TBL1X: variants seen among roughly 807,000 people sequenced by gnomAD.
The protein encoded by TBL1X is transducin beta like 1 X-linked, also known as F-box-like/WD repeat-containing protein TBL1X.
TBL1X carries 10 observed loss-of-function variants against 50.7 expected under a neutral mutation model. That is an observed-to-expected ratio of 0.20 (90% CI 0.12 to 0.33). The LOEUF (loss-of-function observed/expected upper bound fraction) is 0.33, where lower values mean the gene tolerates loss of function less well. TBL1X is among the 10% of genes least tolerant of loss of function. The pLI, the probability that TBL1X is intolerant of heterozygous loss-of-function variation, is 1.00. For synonymous variants in TBL1X, 190 were observed against 214.7 expected (o/e 0.88, Z 1.01); for missense variants, 340 against 504.4 (o/e 0.67, Z 3.12).
intron 2 of TBL1X, among the ~76,000 whole-genome samples, chrX:9,590,394 C>T (rs1256390620): frequency 6.6e-5 from 7 of 105,598 alleles, no homozygotes; most frequent in Non-Finnish European, 1.4e-4. Flanking sequence ...GATGAAAACA[C>T]GAATAAGTAA....
intron 1 of TBL1X, among the ~76,000 whole-genome samples, chrX:9,467,790 C>G (rs923016482): frequency 3.6e-5 from 4 of 111,961 alleles, no homozygotes; most frequent in African/African-American, 1.3e-4. Flanking sequence ...ACATGAAACC[C>G]ACCAGAACCA....
At chrX:9,660,811 T>C (rs1243644959) in intron 5 of TBL1X, among the ~76,000 whole-genome samples, 1 of 112,455 alleles carries the variant, frequency 8.9e-6, no homozygotes, top group East Asian at 2.8e-4. Context: ...GTGTTATATG[T>C]CATCCTTGCT....
intron 2 of TBL1X, among the ~76,000 whole-genome samples, chrX:9,591,733 GAC>G (rs1280703581): frequency 9.0e-6 from 1 of 111,618 alleles, no homozygotes; most frequent in East Asian, 2.8e-4. Flanking sequence ...TGAGCCAAGT[GAC>G]ACACACATGA....
intron 2 of TBL1X, among the ~76,000 whole-genome samples, chrX:9,578,037 A>C (rs999651655): frequency 8.9e-6 from 1 of 111,983 alleles, no homozygotes; most frequent in Non-Finnish European, 1.9e-5. Context: ...AGCTGACCCT[A>C]GACCATGCGT....
intron 11 of TBL1X, among the ~76,000 whole-genome samples, chrX:9,694,616 C>G (rs2146640854): frequency 9.1e-6 from 1 of 110,449 alleles, no homozygotes; most frequent in Non-Finnish European, 1.9e-5. Context: ...CAAAACAAGA[C>G]AAAACAATAC....
chrX:9,659,855 G>C (rs952241864), intron 5 of TBL1X, among the ~76,000 whole-genome samples: 4 of 112,367 alleles, frequency 3.6e-5, no homozygotes, highest in African/African-American at 1.3e-4. Flanking sequence ...CATGAAGTGT[G>C]ATTCTTCCTT....
At chrX:9,484,871 G>A (rs1162546254) in intron 1 of TBL1X, among the ~76,000 whole-genome samples, 3 of 98,556 alleles carry the variant, frequency 3.0e-5, no homozygotes, top group Non-Finnish European at 4.0e-5. Context: ...AGCTTGAACC[G>A]AGAAGTTCGA....
chrX:9,488,598 T>C (rs1419775666), intron 1 of TBL1X, among the ~76,000 whole-genome samples: 1 of 112,018 alleles, frequency 8.9e-6, no homozygotes, highest in Non-Finnish European at 1.9e-5. Flanking sequence ...TTTTACCATA[T>C]AAGGAAACAT....
intron 2 of TBL1X, among the ~76,000 whole-genome samples, chrX:9,624,592 A>G (rs933235646): frequency 3.6e-5 from 4 of 111,705 alleles, no homozygotes; most frequent in East Asian, 2.8e-4. Context: ...ATTAAATTCT[A>G]TTTTTCTTGT....
At chrX:9,689,108 G>A (rs2083081873) in intron 7 of TBL1X, among the ~76,000 whole-genome samples, 2 of 113,546 alleles carry the variant, frequency 1.8e-5, no homozygotes, top group African/African-American at 6.4e-5. Context: ...GCGTGTGTGT[G>A]CGCACGCACG....
chrX:9,602,489 C>T (rs1569071911), intron 2 of TBL1X, among the ~76,000 whole-genome samples: 2 of 111,027 alleles, frequency 1.8e-5, no homozygotes, highest in African/African-American at 3.3e-5. Flanking sequence ...TTCTGAGGTA[C>T]GGGGCTCAGA....
intron 2 of TBL1X, among the ~76,000 whole-genome samples, chrX:9,569,134 G>A (rs746658696): frequency 4.8e-5 from 5 of 103,603 alleles, no homozygotes; most frequent in Admixed American, 1.0e-4. Context: ...TGTGTGCGTT[G>A]TGTCTATCTG....
intron 2 of TBL1X, among the ~76,000 whole-genome samples, chrX:9,622,520 AT>A (rs1239812693): frequency 2.7e-5 from 3 of 111,321 alleles, no homozygotes; most frequent in African/African-American, 9.8e-5. Context: ...CAGTGGTACA[AT>A]TTCAGCTCAG....
At chrX:9,540,343 A>G (rs1187705005) in intron 2 of TBL1X, among the ~76,000 whole-genome samples, 2 of 112,290 alleles carry the variant, frequency 1.8e-5, no homozygotes, top group African/African-American at 3.2e-5. Flanking sequence ...GAGCCATACA[A>G]GTGTTCTGAT....
chrX:9,493,183 G>A (rs1034960225), intron 1 of TBL1X, among the ~76,000 whole-genome samples: 2 of 110,964 alleles, frequency 1.8e-5, no homozygotes, highest in Admixed American at 9.6e-5. Context: ...TTGCTATGCT[G>A]TGCCTTAGGG....
chrX:9,653,898 C>T (rs902682347), intron 4 of TBL1X, among the ~76,000 whole-genome samples: 1 of 111,953 alleles, frequency 8.9e-6, no homozygotes, highest in African/African-American at 3.3e-5. Context: ...CTTTATTGAA[C>T]GCAAAGTCAG....
At chrX:9,594,732 G>A (rs2082519152) in intron 2 of TBL1X, among the ~76,000 whole-genome samples, 2 of 112,125 alleles carry the variant, frequency 1.8e-5, no homozygotes, top group African/African-American at 3.2e-5. Flanking sequence ...GGAAGACAGG[G>A]GGCTGATAAG....
intron 2 of TBL1X, among the ~76,000 whole-genome samples, chrX:9,626,026 G>T (rs1002162310): frequency 8.9e-6 from 1 of 111,916 alleles, no homozygotes; most frequent in Non-Finnish European, 1.9e-5. Flanking sequence ...ATCATTCCTG[G>T]ATTCCAATCT....
At chrX:9,574,439 A>T (rs761760219) in intron 2 of TBL1X, among the ~76,000 whole-genome samples, 2 of 85,442 alleles carry the variant, frequency 2.3e-5, no homozygotes, top group Non-Finnish European at 2.2e-5. Flanking sequence ...TGGGTGACAG[A>T]GTGAGACCCT....
Sources: gnomAD v4.1 joint callset for allele counts (sites outside exome capture counted in the v4.1 genomes callset) on GRCh38, gnomAD v4.1.1 for gene constraint, MANE v1.5 for transcripts, NCBI Gene and HGNC (gene_info 2026-07-23, HGNC 2026-07-21) for gene names.